Variants in ZNF217 observed in about 807,000 individuals in gnomAD.
The protein encoded by ZNF217 is zinc finger protein 217.
A neutral mutation model predicts 73.3 loss-of-function variants in ZNF217; 12 were observed. The ratio of observed to expected loss-of-function variants is 0.16; its 90% CI spans 0.10 to 0.27. The LOEUF (loss-of-function observed/expected upper bound fraction) is 0.27. ZNF217 is among the 10% of genes least tolerant of loss of function. The probability of loss-of-function intolerance (pLI) is 1.00; values close to 1 mark genes in which losing one functional copy is unlikely to be tolerated. For missense variants in ZNF217, 1,195 were observed against 1,327.8 expected (o/e 0.90, Z 1.55); for synonymous variants, 588 against 516.4 (o/e 1.14, Z -1.88).
Position 53,582,653 on chromosome 20 carries a change from T to A in ZNF217, c.174A>T (p.Gln58His), listed in dbSNP as rs765223081. 20 of 1,614,010 alleles carry A rather than the reference T, an allele frequency of 1.2e-5. No homozygotes were observed. Among genetic ancestry groups the A allele is most frequent in the Non-Finnish European group, 5.1e-6 (6 of 1,180,014 alleles). ...AATCCAAGGGCATATACCCCTCGAT[T>A]TGGATGACATTTTTTTCTTGTGTAG... Reference protein sequence around the residue: ...FRATQEKNVIQIEGYMPLDCM... With the variant: ...FRATQEKNVIHIEGYMPLDCM... The change falls in exon 2 of 6, where the codon CAA becomes CAT. Residue 58 changes from glutamine to histidine, a missense_variant. Gln to His is a conservative substitution (Grantham distance 24). This residue lies in a region of ZNF217 where 147 missense variants were observed against 184.3 expected (regional missense o/e 0.80). Transcript: ENST00000371471. The surrounding 1 kb of genome is among the most constrained non-coding windows in gnomAD (Gnocchi z 4.8).
rs968924580 is a variant in ZNF217 at position 53,570,678 on chromosome 20, G to C, written c.*23+1043C>G. ...ACGGGACGGCGGTGCACTACAGTGAGACCTTTAACATGTGAACCACATGCT... is the reference window on the plus strand; with the variant it reads ...ACGGGACGGCGGTGCACTACAGTGACACCTTTAACATGTGAACCACATGCT... On this transcript the variant is annotated intron_variant, in intron 5 of 5. Coordinates refer to ENST00000371471, the MANE Select transcript of ZNF217 (RefSeq NM_006526.3). Among the ~76,000 whole-genome samples the C allele has an allele frequency of 3.3e-5, 5 of 152,152 alleles. No individual in the cohort carries two copies. The East Asian group carries it at 9.6e-4, about 29-fold the overall frequency.
At position 53,582,394 on chromosome 20, in the gene ZNF217, T is replaced by G; in HGVS notation, c.433A>C (p.Ile145Leu). ...GAATCTTTGTGTGTTCTCATGTGGATCTCAACATCAAAAGCGACTCTAAAT... is the reference window on the plus strand; with the variant it reads ...GAATCTTTGTGTGTTCTCATGTGGAGCTCAACATCAAAAGCGACTCTAAAT... ...QTFRVAFDVE[I>L]HMRTHKDSFT... Residue 145 changes from isoleucine (I) to leucine (L), a missense_variant, in exon 2 of 6, where the codon ATC becomes CTC. Ile to Leu is a conservative substitution (Grantham distance 5, BLOSUM62 2). Transcript: ENST00000371471. The surrounding 1 kb of genome is among the most constrained non-coding windows in gnomAD (Gnocchi z 4.8). 1.2e-6 allele frequency: 2 copies of G among 1,604,942 alleles called. No individual in the cohort carries two copies. Among genetic ancestry groups the G allele is most frequent in the Non-Finnish European group, 1.7e-6 (2 of 1,174,400 alleles).
At position 53,581,353 on chromosome 20, in the gene ZNF217, A is replaced by C; in HGVS notation, c.1366+108T>G. ...AGCCTGGACTTGACTCTGGCTCTCC[A>C]AACCCCATTCCTGGCCAGCGTTGTC... is the stretch of plus-strand genomic sequence containing the variant. On this transcript the variant is annotated intron_variant, in intron 2 of 5. Coordinates refer to ENST00000371471, the MANE Select transcript of ZNF217 (RefSeq NM_006526.3). The surrounding 1 kb of genome is among the most constrained non-coding windows in gnomAD (Gnocchi z 4.9). The C allele has an allele frequency of 1.4e-6, 2 of 1,472,322 alleles. No homozygotes were observed. Among genetic ancestry groups the C allele is most frequent in the Non-Finnish European group, 1.8e-6 (2 of 1,109,354 alleles). The allele number at this position is 1,472,322 out of a possible 1,614,324, so 91.2% of individuals were successfully genotyped here. A position where few individuals can be genotyped will look rare whatever the true frequency, so the allele number is the denominator to read the frequency against.
At chr20:53,570,865 C>T (rs1453932507) in intron 5 of ZNF217, among the ~76,000 whole-genome samples, 2 of 152,338 alleles carry the variant, frequency 1.3e-5, no homozygotes, top group Middle Eastern at 3.4e-3. Flanking sequence ...CTGCCTCTCA[C>T]AGGCAGAGCG....
Position 53,582,350 on chromosome 20 carries a change from G to A in ZNF217, c.477C>T (p.Asn159=), listed in dbSNP as rs761220203. 6.5e-7 allele frequency: 1 copy of A among 1,550,310 alleles called. No individual in the cohort carries two copies. Among genetic ancestry groups the A allele is most frequent in the Middle Eastern group, 1.7e-4 (1 of 5,738 alleles). ...GCTCCTTGAATCTTCTTCCGCACAT[G>A]TTACACCCGTAAGTGAAAGAATCTT... is the stretch of plus-strand genomic sequence containing the variant. ...THKDSFTYGC[N]MCGRRFKEPW... is the part of the protein sequence containing the mutation. Residue 159 remains asparagine (N), a synonymous_variant, in exon 2 of 6, where the codon AAC becomes AAT. Transcript: ENST00000371471. The surrounding 1 kb of genome is among the most constrained non-coding windows in gnomAD (Gnocchi z 4.8).
rs1041296296 is a variant in ZNF217, at chr20:53,581,414, A to G, written c.1366+47T>C. 7 of 1,502,392 alleles carry G rather than the reference A, an allele frequency of 4.7e-6. No individual in the cohort carries two copies. In the African/African-American group the frequency reaches 1.2e-4, roughly 26 times the overall value. The allele number at this position is 1,502,392 out of a possible 1,614,324, so 93.1% of individuals were successfully genotyped here. A position where few individuals can be genotyped will look rare whatever the true frequency, so the allele number is the denominator to read the frequency against. On this transcript the variant is annotated intron_variant, in intron 2 of 5. Coordinates refer to ENST00000371471, the MANE Select transcript of ZNF217 (RefSeq NM_006526.3). The surrounding 1 kb of genome is among the most constrained non-coding windows in gnomAD (Gnocchi z 4.9). ...AATAGAGAGGGGGAGACGGGGAGAC[A>G]GACAGACACAGGCGGAACAGCACGG...
Position 53,581,509 on chromosome 20 carries a change from C to T in ZNF217, c.1318G>A (p.Gly440Ser), listed in dbSNP as rs368687800. 126 of 1,613,706 alleles carry T rather than the reference C, an allele frequency of 7.8e-5. No homozygotes were observed. Among genetic ancestry groups the T allele is most frequent in the Admixed American group, 3.3e-4 (20 of 59,998 alleles). Residue 440 changes from glycine to serine, a missense_variant, in exon 2 of 6, where the codon GGT (glycine) becomes AGT (serine). Gly to Ser is a moderately conservative substitution (Grantham distance 56, BLOSUM62 0). Around this residue, in one of 9 missense-constraint regions of ZNF217, gnomAD observed 116 missense variants for 121.9 expected, o/e 0.95. Transcript: ENST00000371471. This position sits in a 1 kb window ranked among gnomAD's most constrained non-coding sequence, Gnocchi z 4.9. ...ENGAVDRGEG[G>S]SEDGSEDGLP... is the part of the protein sequence containing the mutation. ...CCATCCTCAGATCCGTCTTCAGAAC[C>T]ACCTTCCCCTCGATCCACGGCTCCA...
Position 53,576,691 on chromosome 20 carries a change from C to G in ZNF217, c.2073G>C (p.Val691=), listed in dbSNP as rs766817460. Residue 691 remains valine, a synonymous_variant, in exon 4 of 6, where the codon GTG becomes GTC. Transcript: ENST00000371471. ...DCHEKPLNLS[V]GALHNCPAIS... ...TTGCCGGGCAATTGTGAAGAGCCCC[C>G]ACGGATAAATTTAAAGGTTTTTCGT... is the stretch of plus-strand genomic sequence containing the variant. 1 of 1,614,170 alleles carries G rather than the reference C, an allele frequency of 6.2e-7. No homozygotes were observed. Among genetic ancestry groups the G allele is most frequent in the South Asian group, 1.1e-5 (1 of 91,074 alleles).
intron 1 of ZNF217, among the ~76,000 whole-genome samples, chr20:53,583,664 C>G (rs1340482103): frequency 6.6e-6 from 1 of 152,148 alleles, no homozygotes; most frequent in African/African-American, 2.4e-5. Flanking sequence ...AATCTAAGTG[C>G]CCAAACACCC....
At chr20:53,593,327 G>A (rs1414353886) in intron 1 of ZNF217, among the ~76,000 whole-genome samples, 3 of 152,098 alleles carry the variant, frequency 2.0e-5, no homozygotes, top group South Asian at 4.1e-4. Flanking sequence ...CATCGCGGGG[G>A]GACCCTACGC....
upstream of ZNF217, among the ~76,000 whole-genome samples, chr20:53,597,151 CTT>C (rs1989056719): frequency 6.6e-6 from 1 of 151,114 alleles, no homozygotes; most frequent in South Asian, 2.1e-4. Flanking sequence ...CTGGAATCCT[CTT>C]TTGAGACTCA....
At position 53,576,070 on chromosome 20, in the gene ZNF217, G is replaced by A. The variant is rs756187210; in HGVS notation, c.2694C>T (p.Asp898=). 3 of 1,614,232 alleles carry A rather than the reference G, an allele frequency of 1.9e-6. No homozygotes were observed. The highest frequency in any genetic ancestry group is 2.5e-6 in the Non-Finnish European group (3 of 1,180,044). The stretch of plus-strand genomic sequence containing the variant: ...TGCTGGCACTCCGATTACAGAAATA[G>A]TCTCTTCCCGGAGGTGCCCACGGGC... The part of the protein sequence containing the change: ...NDSPWAPPGR[D]YFCNRSASNT... The change falls in exon 4 of 6, where the codon GAC becomes GAT. Residue 898 remains aspartate, a synonymous_variant. Transcript: ENST00000371471.
intron 1 of ZNF217, among the ~76,000 whole-genome samples, chr20:53,590,499 A>T (rs1360107777): frequency 4.6e-5 from 7 of 152,204 alleles, no homozygotes; most frequent in Admixed American, 4.6e-4. Context: ...AGTCAGCTAA[A>T]AGTAGCTCCT....
intron 1 of ZNF217, among the ~76,000 whole-genome samples, chr20:53,587,272 G>T (rs890876440): frequency 5.9e-5 from 9 of 152,216 alleles, no homozygotes; most frequent in African/African-American, 1.9e-4. Context: ...ACACTGATTT[G>T]TGACTAAAGC....
rs745996607 is a variant in ZNF217, at chr20:53,577,315, T to C, written c.1484-35A>G. 3.9e-6 allele frequency: 6 copies of C among 1,548,524 alleles called. 1 individual carries two copies. The highest frequency in any genetic ancestry group is 3.5e-6 in the Non-Finnish European group (4 of 1,147,374). ...GAAATGGCACTTTATTATAGAAGTG[T>C]ATGAAAAGCACTGAAATAGATCAAA... is the stretch of plus-strand genomic sequence containing the variant. On this transcript the variant is annotated intron_variant, in intron 3 of 5. Transcript: ENST00000371471.
In ZNF217 at chr20:53,575,945, T is replaced by C. The variant is rs150838493; in HGVS notation, c.2819A>G (p.Tyr940Cys). 464 of 1,614,220 alleles carry C rather than the reference T, an allele frequency of 2.9e-4. 3 individuals are homozygous for C. The highest frequency in any genetic ancestry group is 3.3e-4 in the Middle Eastern group (2 of 6,062). Residue 940 changes from tyrosine (Y) to cysteine (C), a missense_variant, in exon 4 of 6, where the codon TAT becomes TGT. Physicochemically the swap from Tyr to Cys is radical, Grantham distance 194 (BLOSUM62 -2). This residue lies in a region of ZNF217 where 649 missense variants were observed against 642.8 expected (regional missense o/e 1.01). Transcript: ENST00000371471. ...GACCATATGGTACTTGGGAAGGTCA[T>C]AGCCTCTTCTGTAATTGGCCCCGGG... Reference protein sequence around the residue: ...DQPGANYRRGYDLPKYHMVRG... With the variant: ...DQPGANYRRGCDLPKYHMVRG...
At chr20:53,569,957 A>G (rs1053085035) in intron 5 of ZNF217, among the ~76,000 whole-genome samples, 8 of 152,036 alleles carry the variant, frequency 5.3e-5, no homozygotes, top group African/African-American at 1.9e-4. Flanking sequence ...AACAAAACCA[A>G]TATGTGAGCT....
chr20:53,586,243 G>C (rs540231913), intron 1 of ZNF217, among the ~76,000 whole-genome samples: 20 of 152,090 alleles, frequency 1.3e-4, no homozygotes, highest in African/African-American at 4.8e-4. Flanking sequence ...TAAATGTCAC[G>C]GAATTAGCAC....
intron 1 of ZNF217, among the ~76,000 whole-genome samples, chr20:53,586,076 T>C (rs1218074709): frequency 1.3e-5 from 2 of 152,196 alleles, no homozygotes; most frequent in Admixed American, 6.5e-5. Context: ...TGAAAACCTC[T>C]GTCCAGATCT....
Sources: allele counts gnomAD v4.1 joint callset (sites outside exome capture counted in the v4.1 genomes callset), GRCh38; gene constraint gnomAD v4.1.1; regional missense constraint gnomAD v4.1.1; non-coding constraint Gnocchi (gnomAD v3.1); transcripts MANE v1.5; gene names NCBI Gene and HGNC (gene_info 2026-07-23, HGNC 2026-07-21).